The following ENTHD1 variants were observed in gnomAD, a reference collection of about 807,000 sequenced individuals.
ENTHD1 encodes ENTH domain-containing protein 1.
Under a neutral mutation model 39.1 loss-of-function variants are expected in ENTHD1, and 23 were observed. That is an observed-to-expected ratio of 0.59 (90% confidence interval 0.42 to 0.83). The LOEUF (loss-of-function observed/expected upper bound fraction) is 0.83. Among genes scored for constraint, ENTHD1 ranks in the 40% least tolerant of loss-of-function variants. ENTHD1 has a pLI of 0.00. For missense variants in ENTHD1, 624 were observed against 705.4 expected, an observed-to-expected ratio of 0.88 and a Z score of 1.31; for synonymous variants, 230 against 258.2, an observed-to-expected ratio of 0.89 and a Z score of 1.05.
chr22:39,771,090 T>A (rs991861480), intron 5 of ENTHD1, among the ~76,000 whole-genome samples: 16 of 152,198 alleles, frequency 1.1e-4, no homozygotes, highest in African/African-American at 3.6e-4. Flanking sequence ...GTACTCTTTT[T>A]TTTTGCCCTT....
chr22:39,806,889 G>A (rs554642061), intron 5 of ENTHD1, among the ~76,000 whole-genome samples: 3 of 152,296 alleles, frequency 2.0e-5, no homozygotes, highest in Non-Finnish European at 2.9e-5. Context: ...CAAGGGGAGG[G>A]TTTTCCCTGC....
rs779732998 is a variant in ENTHD1 at position 39,861,826 on chromosome 22, C to T, written c.531G>A (p.Pro177=). The T allele has an allele frequency of 3.0e-5, 48 of 1,594,512 alleles. No individual in the cohort carries two copies. The highest frequency in any genetic ancestry group is 1.7e-4 in the Middle Eastern group (1 of 6,010). Residue 177 remains proline (P), a synonymous_variant, in exon 3 of 7, where the codon CCG becomes CCA. Coordinates refer to ENST00000325157, the MANE Select transcript of ENTHD1 (RefSeq NM_152512.4). ...ACTTCTTCTCTGAAGCAGAAATATC[C>T]GGTGTGGGGGCAGAAGTGCACGCTG... is the stretch of plus-strand genomic sequence containing the variant. ...SLTACTSAPT[P]DISASEKKYK...
At chr22:39,849,906 A>G (rs1254718993) in intron 3 of ENTHD1, among the ~76,000 whole-genome samples, 1 of 152,196 alleles carries the variant, frequency 6.6e-6, no homozygotes, top group Non-Finnish European at 1.5e-5. Context: ...TAGGACCTCC[A>G]CTACAAAGCT....
At chr22:39,871,357 G>A (rs2146744919) in intron 2 of ENTHD1, among the ~76,000 whole-genome samples, 1 of 152,196 alleles carries the variant, frequency 6.6e-6, no homozygotes, top group Admixed American at 6.5e-5. Flanking sequence ...CTTACTATGT[G>A]ACTAACTCTC....
intron 3 of ENTHD1, among the ~76,000 whole-genome samples, chr22:39,857,120 G>C (rs1379021138): frequency 6.6e-6 from 1 of 152,098 alleles, no homozygotes; most frequent in Non-Finnish European, 1.5e-5. Flanking sequence ...ATGTCATAAA[G>C]ATGGAGAATA....
At chr22:39,795,409 CTTTTT>C (rs571737142) in intron 5 of ENTHD1, among the ~76,000 whole-genome samples, 1 of 147,084 alleles carries the variant, frequency 6.8e-6, no homozygotes, top group African/African-American at 2.5e-5. Context: ...TATTAGAAGG[CTTTTT>C]TTTTTCTTTT....
chr22:39,748,702 TG>T (rs1454603474), intron 6 of ENTHD1, among the ~76,000 whole-genome samples: 2 of 152,082 alleles, frequency 1.3e-5, no homozygotes, highest in Non-Finnish European at 2.9e-5. Flanking sequence ...GGATTACAGG[TG>T]TGAGCCACTG....
intron 2 of ENTHD1, among the ~76,000 whole-genome samples, chr22:39,885,258 T>C (rs944671623): frequency 7.2e-5 from 11 of 152,218 alleles, no homozygotes; most frequent in Non-Finnish European, 1.5e-5. Flanking sequence ...TCAGCATCAT[T>C]AGTCTTTAGG....
intron 3 of ENTHD1, among the ~76,000 whole-genome samples, chr22:39,857,774 G>A (rs561286155): frequency 6.6e-6 from 1 of 152,302 alleles, no homozygotes; most frequent in Non-Finnish European, 1.5e-5. Context: ...ACATTAGACT[G>A]CAGTCTACTT....
intron 3 of ENTHD1, 133 bp from the exon 4 acceptor site, chr22:39,836,091 G>A: frequency 1.8e-6 from 1 of 548,162 alleles, no homozygotes; most frequent in Non-Finnish European, 3.2e-6. Context: ...ATCTGCCAGT[G>A]GTAACCTATG....
intron 3 of ENTHD1, among the ~76,000 whole-genome samples, chr22:39,851,056 A>G (rs1454424185): frequency 1.3e-5 from 2 of 152,114 alleles, no homozygotes; most frequent in African/African-American, 2.4e-5. Flanking sequence ...TTATTCATCT[A>G]TAAATAACTA....
chr22:39,753,905 G>C lies in ENTHD1; in HGVS notation c.1220-9622C>G, dbSNP rs563682596. ...ATACTTTGGCCTCACTGAGAGAACA[G>C]ATGCAACGAAAATCCTCTTATTTTC... On this transcript the variant is annotated intron_variant, in intron 6 of 6. Coordinates refer to ENST00000325157, the MANE Select transcript of ENTHD1 (RefSeq NM_152512.4). Among the ~76,000 whole-genome samples the C allele has an allele frequency of 2.0e-5, 3 of 152,268 alleles. No homozygotes were observed. The South Asian group carries it at 6.2e-4, about 32-fold the overall frequency.
Position 39,743,501 on chromosome 22 carries a change from T to C in ENTHD1, c.*178A>G, listed in dbSNP as rs1029906241. 1 of 657,676 alleles carries C rather than the reference T, an allele frequency of 1.5e-6. No homozygotes were observed. Among genetic ancestry groups the C allele is most frequent in the Non-Finnish European group, 2.3e-6 (1 of 428,574 alleles). The allele number at this position is 657,676 out of a possible 1,614,324, so 40.7% of individuals were successfully genotyped here. A position where few individuals can be genotyped will look rare whatever the true frequency, so the allele number is the denominator to read the frequency against. On this transcript the variant is annotated 3_prime_UTR_variant, in exon 7 of 7. Coordinates refer to ENST00000325157, the MANE Select transcript of ENTHD1 (RefSeq NM_152512.4). ...TATCAAAGGTGACATCTTTCCCTTT[T>C]AAAAAATAAACCACCCAAATGAAAG...
At chr22:39,892,655 T>C (rs982142999) in intron 1 of ENTHD1, among the ~76,000 whole-genome samples, 3 of 152,194 alleles carry the variant, frequency 2.0e-5, no homozygotes, top group South Asian at 2.1e-4. Context: ...GAACTGACTT[T>C]ATCCAAAGAC....
chr22:39,876,137 G>C (rs1419919030), intron 2 of ENTHD1: 11 of 1,560,550 alleles, frequency 7.0e-6, no homozygotes, highest in Non-Finnish European at 7.8e-6. Context: ...CAAGTCATAG[G>C]CTTCTTTCAG....
At position 39,844,931 on chromosome 22, in the gene ENTHD1, T is replaced by TC. The variant is rs552614626; in HGVS notation, c.593-8974dup. Among the ~76,000 whole-genome samples the TC allele has an allele frequency of 7.8e-4, 118 of 152,136 alleles. 2 individuals carry two copies. In the South Asian group the frequency reaches 0.023, roughly 29 times the overall value. ...AGGATCTAAAGCTTGAAGGCATCTCTCCCCCACAGGAATAGGATACATACC... is the reference window on the plus strand; with the variant it reads ...AGGATCTAAAGCTTGAAGGCATCTCTCCCCCCACAGGAATAGGATACATACC... On this transcript the variant is annotated intron_variant, in intron 3 of 6. Transcript: ENST00000325157.
intron 4 of ENTHD1, among the ~76,000 whole-genome samples, chr22:39,831,228 A>T (rs571617340): frequency 5.9e-5 from 9 of 152,212 alleles, no homozygotes; most frequent in Non-Finnish European, 1.3e-4. Flanking sequence ...AGGTGAGAGA[A>T]CACAAACCTC....
chr22:39,817,245 T>A (rs1463249504), intron 5 of ENTHD1, among the ~76,000 whole-genome samples: 1 of 152,134 alleles, frequency 6.6e-6, no homozygotes, highest in Non-Finnish European at 1.5e-5. Flanking sequence ...ACCAAGAGAA[T>A]CCATTTCTAG....
intron 5 of ENTHD1, among the ~76,000 whole-genome samples, chr22:39,794,085 C>T (rs943602791): frequency 2.0e-5 from 3 of 152,176 alleles, no homozygotes; most frequent in Non-Finnish European, 4.4e-5. Context: ...TTTTTCCAAT[C>T]TATAAGCGTT....
Sources: gnomAD v4.1 joint callset for allele counts (sites outside exome capture counted in the v4.1 genomes callset) on GRCh38, gnomAD v4.1.1 for gene constraint, MANE v1.5 for transcripts, NCBI Gene and HGNC (gene_info 2026-07-23, HGNC 2026-07-21) for gene names.